CAST: variants seen among roughly 807,000 people sequenced by gnomAD.
CAST encodes the protein calpastatin.
Under a neutral mutation model 119.6 loss-of-function variants are expected in CAST, and 76 were observed. The ratio of observed to expected loss-of-function variants is 0.64; its 90% CI spans 0.53 to 0.77. The LOEUF is 0.77. Among genes scored for constraint, CAST ranks in the 30% least tolerant of loss-of-function variants. CAST has a pLI of 0.00. For missense variants in CAST, 953 were observed against 946.5 expected (o/e 1.01, Z -0.09); for synonymous variants, 319 against 331.6 (o/e 0.96, Z 0.41).
the CAST span, among the ~76,000 whole-genome samples, chr5:96,194,063 G>C: frequency 6.6e-6 from 1 of 152,034 alleles, no homozygotes; most frequent in Non-Finnish European, 1.5e-5. Context: ...AGGAGCAGAG[G>C]ATAAGAATTG....
chr5:96,026,911 T>C, the CAST span, among the ~76,000 whole-genome samples: 1 of 152,188 alleles, frequency 6.6e-6, no homozygotes, highest in Non-Finnish European at 1.5e-5. Flanking sequence ...CTCTTACTCT[T>C]AAATTTGTAT....
At chr5:96,116,679 T>C in the CAST span, among the ~76,000 whole-genome samples, 19 of 152,352 alleles carry the variant, frequency 1.2e-4, no homozygotes, top group Middle Eastern at 6.8e-3. Context: ...ACATTGAGCA[T>C]CTTTCTTAGG....
chr5:96,153,548 G>A, the CAST span, among the ~76,000 whole-genome samples: 1 of 152,190 alleles, frequency 6.6e-6, no homozygotes, highest in Non-Finnish European at 1.5e-5. Context: ...CCCCAAAAAT[G>A]TCAGGGGCAG....
At chr5:96,623,202 C>T (rs1029687357) in intron 1 of CAST, among the ~76,000 whole-genome samples, 3 of 152,098 alleles carry the variant, frequency 2.0e-5, no homozygotes, top group African/African-American at 7.2e-5. Context: ...CCTTTTCTGT[C>T]CTCTGCTGTG....
chr5:96,353,892 G>C, the CAST span, among the ~76,000 whole-genome samples: 2 of 152,004 alleles, frequency 1.3e-5, no homozygotes, highest in African/African-American at 2.4e-5. Flanking sequence ...TCTCTATCTC[G>C]ATCATCTGTA....
chr5:96,228,007 G>C, the CAST span, among the ~76,000 whole-genome samples: 3,312 of 138,554 alleles, frequency 0.024, 52 homozygotes, highest in Non-Finnish European at 0.033. Flanking sequence ...CTCTCTCTGT[G>C]TGTGTGTGTG....
the CAST span, among the ~76,000 whole-genome samples, chr5:96,227,918 AC>A: frequency 6.6e-6 from 1 of 152,080 alleles, no homozygotes; most frequent in East Asian, 1.9e-4. Flanking sequence ...GGATTTTGTC[AC>A]TGTTAAAAAT....
At chr5:96,534,721 G>T in intron 1 of CAST, among the ~76,000 whole-genome samples, 1 of 5,690 alleles carries the variant, frequency 1.8e-4, no homozygotes, top group African/African-American at 4.2e-4. Context: ...GAAGGAGAGA[G>T]AGAGAGAGAG....
chr5:96,298,243 T>G, the CAST span, among the ~76,000 whole-genome samples: 1 of 152,216 alleles, frequency 6.6e-6, no homozygotes, highest in African/African-American at 2.4e-5. Context: ...AGGCCTGGGC[T>G]CAGAATATTC....
chr5:96,601,223 G>T (rs1747146754), intron 1 of CAST, among the ~76,000 whole-genome samples: 1 of 152,188 alleles, frequency 6.6e-6, no homozygotes, highest in Admixed American at 6.5e-5. Context: ...AAAATGGAAA[G>T]GAAATCTGTT....
chr5:96,080,691 TAA>T, the CAST span, among the ~76,000 whole-genome samples: 1 of 152,210 alleles, frequency 6.6e-6, no homozygotes, highest in Non-Finnish European at 1.5e-5. Context: ...TTGTGGGAGA[TAA>T]GTTTAAATCC....
the CAST span, among the ~76,000 whole-genome samples, chr5:96,153,889 G>A: frequency 7.9e-5 from 12 of 152,090 alleles, no homozygotes; most frequent in African/African-American, 2.9e-4. Context: ...CAAATGTTTC[G>A]AAATATATGC....
the CAST span, among the ~76,000 whole-genome samples, chr5:95,985,605 G>A: frequency 6.6e-6 from 1 of 152,138 alleles, no homozygotes; most frequent in African/African-American, 2.4e-5. Context: ...AAAATTCAAG[G>A]CCAGAGAAAC....
intron 1 of CAST, among the ~76,000 whole-genome samples, chr5:96,653,132 T>C (rs1335755179): frequency 6.6e-6 from 1 of 152,256 alleles, no homozygotes; most frequent in East Asian, 1.9e-4. Flanking sequence ...GGGACACATC[T>C]ACTCTGTGCC....
intron 1 of CAST, among the ~76,000 whole-genome samples, chr5:96,613,298 T>C (rs6885297): frequency 0.28 from 43,073 of 152,048 alleles, 7,582 homozygotes; most frequent in African/African-American, 0.5. Context: ...AGTTTTCTTC[T>C]TATCCTTGAA....
At chr5:96,308,063 ATT>A in the CAST span, among the ~76,000 whole-genome samples, 7 of 152,186 alleles carry the variant, frequency 4.6e-5, no homozygotes, top group East Asian at 1.4e-3. Context: ...ACTTGGTTCC[ATT>A]CTCCCTGTCA....
chr5:96,693,391 C>A (rs1261604368), intron 2 of CAST, among the ~76,000 whole-genome samples: 2 of 152,234 alleles, frequency 1.3e-5, no homozygotes, highest in African/African-American at 2.4e-5. Context: ...TTCTCATTGG[C>A]AGATCCTAAT....
chr5:96,725,413 C>G (rs557124745), intron 4 of CAST, among the ~76,000 whole-genome samples: 8 of 152,126 alleles, frequency 5.3e-5, no homozygotes, highest in Non-Finnish European at 1.2e-4. Context: ...GAGTGCAGTG[C>G]GATGACTAGA....
At chr5:96,621,101 C>T (rs1747595206) in intron 1 of CAST, among the ~76,000 whole-genome samples, 1 of 152,152 alleles carries the variant, frequency 6.6e-6, no homozygotes. Flanking sequence ...TCAAAATTTG[C>T]CCTGAAGAAA....
Sources: gnomAD v4.1 joint callset for allele counts (sites outside exome capture counted in the v4.1 genomes callset) on GRCh38, gnomAD v4.1.1 for gene constraint, MANE v1.5 for transcripts, NCBI Gene and HGNC (gene_info 2026-07-23, HGNC 2026-07-21) for gene names.